Variants in IFT74 observed in about 807,000 individuals in gnomAD.
IFT74 encodes intraflagellar transport protein 74 homolog.
IFT74 carries 92 observed loss-of-function variants against 96.7 expected under a neutral mutation model. The ratio of observed to expected loss-of-function variants is 0.95; its 90% CI spans 0.80 to 1.13. The LOEUF (loss-of-function observed/expected upper bound fraction) is 1.13. IFT74 is among the 50% of genes most tolerant of loss of function. The probability of loss-of-function intolerance (pLI) is 0.00; values close to 1 mark genes in which losing one functional copy is unlikely to be tolerated. For missense variants in IFT74, 811 were observed against 698.2 expected, an observed-to-expected ratio of 1.16 and a Z score of -1.82; for synonymous variants, 223 against 213.2, an observed-to-expected ratio of 1.05 and a Z score of -0.40.
intron 13 of IFT74, among the ~76,000 whole-genome samples, chr9:27,042,438 T>C (rs1287322002): frequency 2.6e-5 from 4 of 151,574 alleles, no homozygotes; most frequent in African/African-American, 9.7e-5. Flanking sequence ...ACAAAGAAAA[T>C]TGAAAAGTTG....
At chr9:27,031,462 G>A (rs144235724) in intron 13 of IFT74, among the ~76,000 whole-genome samples, 4,844 of 150,046 alleles carry the variant, frequency 0.032, 91 homozygotes, top group South Asian at 0.066. Flanking sequence ...GCGAGACTCC[G>A]TCTTAAAAAA....
At chr9:26,995,444 A>G (rs1828092825) in intron 8 of IFT74, 3 of 794,376 alleles carry the variant, frequency 3.8e-6, no homozygotes, top group Non-Finnish European at 5.9e-6. Context: ...GTATTTTGTT[A>G]TGTCACATAG....
intron 12 of IFT74, among the ~76,000 whole-genome samples, chr9:27,024,718 A>G (rs1471484296): frequency 1.3e-5 from 2 of 152,176 alleles, no homozygotes; most frequent in African/African-American, 4.8e-5. Flanking sequence ...AAGTTACTGA[A>G]GGAGCCAGCA....
intron 2 of IFT74, among the ~76,000 whole-genome samples, chr9:26,966,288 C>T (rs1397940784): frequency 6.6e-6 from 1 of 152,030 alleles, no homozygotes; most frequent in Admixed American, 6.6e-5. Flanking sequence ...TACATTCCCC[C>T]CAACACTGTA....
intron 1 of IFT74, among the ~76,000 whole-genome samples, chr9:26,961,169 C>T (rs891899894): frequency 4.0e-5 from 6 of 149,858 alleles, no homozygotes; most frequent in African/African-American, 1.5e-4. Context: ...CGGCTCACTG[C>T]AAACTCTGCT....
chr9:27,053,172 T>C (rs997521969), intron 16 of IFT74, among the ~76,000 whole-genome samples: 2 of 144,540 alleles, frequency 1.4e-5, no homozygotes, highest in East Asian at 4.0e-4. Context: ...TTTTTTTTTT[T>C]TTTTTTTTTT....
chr9:26,968,588 C>T (rs1007562425), intron 2 of IFT74, among the ~76,000 whole-genome samples: 3 of 152,032 alleles, frequency 2.0e-5, no homozygotes, highest in African/African-American at 7.2e-5. Context: ...GCTTGGATCT[C>T]GTTATTGTTA....
intron 10 of IFT74, among the ~76,000 whole-genome samples, chr9:27,012,583 AG>A (rs762779964): frequency 6.6e-6 from 1 of 152,090 alleles, no homozygotes; most frequent in African/African-American, 2.4e-5. Context: ...GAGAGACATG[AG>A]TTCATCTCTT....
intron 10 of IFT74, among the ~76,000 whole-genome samples, chr9:27,014,211 T>C (rs1829241065): frequency 6.6e-6 from 1 of 152,008 alleles, no homozygotes; most frequent in Non-Finnish European, 1.5e-5. Flanking sequence ...CAAGATTCTG[T>C]CTAAAAAAAG....
At chr9:27,045,752 C>T (rs912009085) in intron 14 of IFT74, among the ~76,000 whole-genome samples, 1 of 152,106 alleles carries the variant, frequency 6.6e-6, no homozygotes, top group African/African-American at 2.4e-5. Flanking sequence ...TCAATAGTTA[C>T]CTTCATGGAG....
chr9:26,948,836 A>T (rs951217613), intron 1 of IFT74, among the ~76,000 whole-genome samples: 2 of 151,754 alleles, frequency 1.3e-5, no homozygotes, highest in African/African-American at 4.8e-5. Flanking sequence ...TACTAGATTC[A>T]TCTCCCTCTG....
intron 12 of IFT74, among the ~76,000 whole-genome samples, chr9:27,025,735 C>G (rs551095327): frequency 2.6e-5 from 4 of 152,112 alleles, no homozygotes; most frequent in Non-Finnish European, 5.9e-5. Flanking sequence ...TCCATTGAAA[C>G]TAAGCTTCAT....
Position 27,055,602 on chromosome 9 carries a change from G to T in IFT74, c.1334-7G>T. 1 of 1,565,156 alleles carries T rather than the reference G, an allele frequency of 6.4e-7. No homozygotes were observed. The highest frequency in any genetic ancestry group is 8.6e-7 in the Non-Finnish European group (1 of 1,160,786). On this transcript the variant is annotated splice_polypyrimidine_tract_variant and splice_region_variant and intron_variant, in intron 16 of 19. Transcript: ENST00000380062. ...ATTAATTATCACCTTAAATTCTTATGTTTCAGACATTCAACGTCTGCAGTT... is the reference window on the plus strand; with the variant it reads ...ATTAATTATCACCTTAAATTCTTATTTTTCAGACATTCAACGTCTGCAGTT...
intron 9 of IFT74, among the ~76,000 whole-genome samples, chr9:27,011,472 A>G (rs1002725054): frequency 2.0e-4 from 30 of 152,194 alleles, no homozygotes; most frequent in Non-Finnish European, 4.0e-4. Flanking sequence ...GTGTGTACAC[A>G]GTATAGAGAA....
intron 13 of IFT74, among the ~76,000 whole-genome samples, chr9:27,043,288 C>T (rs1819553077): frequency 6.6e-6 from 1 of 152,150 alleles, no homozygotes; most frequent in African/African-American, 2.4e-5. Context: ...TCAGGGTTGT[C>T]GTCAATGAAT....
In IFT74 at chr9:27,003,741, T is replaced by G. The variant is rs1640287495; in HGVS notation, c.588-5279T>G. ...TGAAATTTGTTAGGAAAAGCTACTC[T>G]GCCTCCTATATTTTATAAAATTTGG... On this transcript the variant is annotated intron_variant, in intron 8 of 19. Coordinates refer to ENST00000380062, the MANE Select transcript of IFT74 (RefSeq NM_025103.4). 2.6e-5 allele frequency among the ~76,000 whole-genome samples: 4 copies of G among 152,220 alleles called. No homozygotes were observed. The South Asian group carries it at 8.3e-4, about 32-fold the overall frequency.
intron 12 of IFT74, among the ~76,000 whole-genome samples, chr9:27,019,367 T>A (rs1829493873): frequency 6.6e-6 from 1 of 152,034 alleles, no homozygotes; most frequent in African/African-American, 2.4e-5. Context: ...GGACATTTCA[T>A]ATATATGGAA....
In IFT74 at chr9:27,063,346, A is replaced by G. The variant is rs952309661; in HGVS notation, c.*610A>G. The stretch of plus-strand genomic sequence containing the variant: ...TTTTCACATATATATACCTGGAAGA[A>G]CATTAGGTAAAAGACTACATTTATA... On this transcript the variant is annotated 3_prime_UTR_variant, in exon 20 of 20. Transcript: ENST00000380062. Among the ~76,000 whole-genome samples, 2 of 152,188 alleles carry G rather than the reference A, an allele frequency of 1.3e-5. No homozygotes were observed. The highest frequency in any genetic ancestry group is 2.9e-5 in the Non-Finnish European group (2 of 68,004).
rs549052840 is a variant in IFT74 at position 27,030,488 on chromosome 9, C to T, written c.1054+1384C>T. Among the ~76,000 whole-genome samples, 9 of 139,872 alleles carry T rather than the reference C, an allele frequency of 6.4e-5. No homozygotes were observed. In the South Asian group the frequency reaches 1.8e-3, roughly 28 times the overall value. The allele number at this position is 139,872 out of a possible 152,430, so 91.8% of individuals were successfully genotyped here. ...GCTTGAACCCAGGAGGCGGAGGTTG[C>T]AGTGAGCCAAGATCACACCACTGCA... On this transcript the variant is annotated intron_variant, in intron 13 of 19. Coordinates refer to ENST00000380062, the MANE Select transcript of IFT74 (RefSeq NM_025103.4).
Sources: allele counts gnomAD v4.1 joint callset (sites outside exome capture counted in the v4.1 genomes callset), GRCh38; gene constraint gnomAD v4.1.1; transcripts MANE v1.5; gene names NCBI Gene and HGNC (gene_info 2026-07-23, HGNC 2026-07-21).